Variants in MATN1 observed in about 807,000 individuals in gnomAD.
MATN1 encodes matrilin-1.
Under a neutral mutation model 41.3 loss-of-function variants are expected in MATN1, and 34 were observed. The ratio of observed to expected loss-of-function variants is 0.82; its 90% CI spans 0.63 to 1.10. MATN1 has a LOEUF of 1.10. Among genes scored for constraint, MATN1 ranks in the 50% least tolerant of loss-of-function variants. The pLI is 0.00. For synonymous variants in MATN1, 264 were observed against 278.7 expected (o/e 0.95, Z 0.53); for missense variants, 602 against 662.4 (o/e 0.91, Z 1.00).
chr1:30,719,138 T>C, intron 2 of MATN1, 181 bp from the exon 3 acceptor site: 1 of 523,300 alleles, frequency 1.9e-6, no homozygotes, highest in Non-Finnish European at 3.3e-6. Flanking sequence ...GAGACGTGGC[T>C]GGGGGGCTTT....
rs1427815477 is a variant in MATN1 at position 30,714,226 on chromosome 1, G to A, written c.1441+21C>T. ...TGGCCTGCGCCCCTCCCCAGCCCCA[G>A]CCCCCTCTGGGAAGGGATATGTTTC... On this transcript the variant is annotated intron_variant, in intron 7 of 7. Coordinates refer to ENST00000373765, the MANE Select transcript of MATN1 (RefSeq NM_002379.3). 5 of 1,481,404 alleles carry A rather than the reference G, an allele frequency of 3.4e-6. No homozygotes were observed. The Admixed American group carries it at 9.2e-5, about 27-fold the overall frequency. 91.8% of individuals were successfully genotyped at this position (1,481,404 alleles called of 1,614,324 possible).
rs1476619777 is a variant in MATN1, at chr1:30,713,009, A to G, written c.*573T>C. On this transcript the variant is annotated 3_prime_UTR_variant, in exon 8 of 8. Coordinates refer to ENST00000373765, the MANE Select transcript of MATN1 (RefSeq NM_002379.3). ...ATGAATATGTAACTGAAAAGGCAGGACAAACACCAGCTGGTTTTGGTGTGG... is the reference window on the plus strand; with the variant it reads ...ATGAATATGTAACTGAAAAGGCAGGGCAAACACCAGCTGGTTTTGGTGTGG... The G allele has an allele frequency of 6.5e-6, 1 of 153,306 alleles. No individual in the cohort carries two copies. The highest frequency in any genetic ancestry group is 1.5e-5 in the Non-Finnish European group (1 of 68,572). 9.5% of individuals were successfully genotyped at this position (153,306 alleles called of 1,614,324 possible).
intron 2 of MATN1, 186 bp from the exon 3 acceptor site, chr1:30,719,143 G>C (rs553867207): frequency 3.4e-5 from 18 of 522,304 alleles, no homozygotes; most frequent in Middle Eastern, 2.7e-4. Flanking sequence ...GTGGCTGGGG[G>C]GCTTTCCATC....
rs747282696 is a variant in MATN1, at chr1:30,721,467, C to T, written c.379G>A (p.Ala127Thr). Residue 127 changes from alanine (A) to threonine (T), a missense_variant, in exon 2 of 8, where the codon GCT (alanine) becomes ACT (threonine). Ala to Thr is a moderately conservative substitution (Grantham distance 58). Coordinates refer to ENST00000373765, the MANE Select transcript of MATN1 (RefSeq NM_002379.3). ...GTMTGLAIQF[A>T]ITKAFGDAEG... The stretch of plus-strand genomic sequence containing the variant: ...GCATCGCCGAAGGCTTTGGTGATAG[C>T]GAACTGGATGGCCAGGCCGGTCATG... 1.1e-5 allele frequency: 17 copies of T among 1,613,518 alleles called. No individual in the cohort carries two copies. Among genetic ancestry groups the T allele is most frequent in the Non-Finnish European group, 1.4e-5 (16 of 1,179,992 alleles).
intron 3 of MATN1, among the ~76,000 whole-genome samples, chr1:30,718,173 C>T (rs1274935888): frequency 1.3e-5 from 2 of 152,114 alleles, no homozygotes; most frequent in Non-Finnish European, 2.9e-5. Context: ...TTATAGGCTA[C>T]CGCCCCAGCC....
Position 30,716,308 on chromosome 1 carries a change from C to T in MATN1, c.808G>A (p.Gly270Ser), listed in dbSNP as rs1444786427. 5 of 1,613,364 alleles carry T rather than the reference C, an allele frequency of 3.1e-6. No homozygotes were observed. The South Asian group carries it at 5.5e-5, about 18-fold the overall frequency. Reference sequence around the variant, plus strand: ...AAGACCAGGTCAGTGGCCGAGCTGCCACCACCACCACTGCAGACTGTGGAG... The same window carrying T: ...AAGACCAGGTCAGTGGCCGAGCTGCTACCACCACCACTGCAGACTGTGGAG... ...KTCNVCSGGG[G>S]SSATDLVFLI... The change falls in exon 5 of 8, where the codon GGC (glycine) becomes AGC (serine). Residue 270 changes from glycine to serine, a missense_variant. Gly to Ser is a moderately conservative substitution (Grantham distance 56). Transcript: ENST00000373765.
At position 30,722,217 on chromosome 1, in the gene MATN1, G is replaced by A. The variant is rs1030262534; in HGVS notation, c.95-466C>T. On this transcript the variant is annotated intron_variant, in intron 1 of 7. Transcript: ENST00000373765. ...CTGGGCAGGAGGGCACCAAGGATGG[G>A]CCCTCCAGGCATGGGCACAGGCTTG... 5.9e-5 allele frequency among the ~76,000 whole-genome samples: 9 copies of A among 152,284 alleles called. No individual in the cohort carries two copies. The South Asian group carries it at 1.0e-3, about 17-fold the overall frequency.
chr1:30,721,669 T>G lies in MATN1; in HGVS notation c.177A>C (p.Lys59Asn), dbSNP rs150046507. Residue 59 changes from lysine to asparagine, a missense_variant, in exon 2 of 8, where the codon AAA (lysine) becomes AAC (asparagine). Transcript: ENST00000373765. The part of the protein sequence containing the change: ...SRSVRPVEFE[K>N]VKVFLSQVIE... The stretch of plus-strand genomic sequence containing the variant: ...TGACCTGGGACAGGAATACCTTCAC[T>G]TTCTCAAATTCAACAGGCCGAACGC... The G allele has an allele frequency of 8.5e-4, 1,375 of 1,613,308 alleles. No individual in the cohort carries two copies. The highest frequency in any genetic ancestry group is 1.1e-3 in the Non-Finnish European group (1,315 of 1,180,030).
chr1:30,723,355 T>A, intron 1 of MATN1, 103 bp downstream of exon 1: 1 of 865,000 alleles, frequency 1.2e-6, no homozygotes, highest in Non-Finnish European at 1.7e-6. Flanking sequence ...CCCTTCCCCA[T>A]CCTGGATCCC....
At position 30,715,216 on chromosome 1, in the gene MATN1, G is replaced by A. The variant is rs542638247; in HGVS notation, c.1301C>T (p.Thr434Met). ...CTGGTTGATGGTCTTGAAGTCAGCCGTGTAGAAGTAGTGCTCTGCCACAGG... is the reference window on the plus strand; with the variant it reads ...CTGGTTGATGGTCTTGAAGTCAGCCATGTAGAAGTAGTGCTCTGCCACAGG... ...SEPVAEHYFY[T>M]ADFKTINQIG... Residue 434 changes from threonine to methionine, a missense_variant, in exon 6 of 8, where the codon ACG (threonine) becomes ATG (methionine). By Grantham distance (81) the Thr-to-Met change is moderately conservative. Transcript: ENST00000373765. The A allele has an allele frequency of 2.2e-5, 36 of 1,614,194 alleles. No individual in the cohort carries two copies. The highest frequency in any genetic ancestry group is 1.6e-4 in the East Asian group (7 of 44,886).
rs141354318 is a variant in MATN1, at chr1:30,716,146, G to A, written c.970C>T (p.Arg324Cys). The part of the protein sequence containing the change: ...VGLVQYSSSV[R>C]QEFPLGRFHT... ...AAGCGACCCAGGGGGAACTCCTGGC[G>A]CACAGAGCTTGAGTACTGCACCAGC... Residue 324 changes from arginine (R) to cysteine (C), a missense_variant, in exon 5 of 8, where the codon CGC becomes TGC. Coordinates refer to ENST00000373765, the MANE Select transcript of MATN1 (RefSeq NM_002379.3). The A allele has an allele frequency of 1.5e-5, 25 of 1,614,070 alleles. No homozygotes were observed. Among genetic ancestry groups the A allele is most frequent in the African/African-American group, 5.3e-5 (4 of 74,914 alleles).
Position 30,713,522 on chromosome 1 carries a change from G to A in MATN1, c.*60C>T. 5 of 1,533,386 alleles carry A rather than the reference G, an allele frequency of 3.3e-6. No individual in the cohort carries two copies. The highest frequency in any genetic ancestry group is 4.4e-6 in the Non-Finnish European group (5 of 1,130,442). The allele number at this position is 1,533,386 out of a possible 1,614,324, so 95.0% of individuals were successfully genotyped here. ...CGGGCTGGCTTCCCTCACTAAAATGGTAAAGCTACGGCGGACACGTGCAGG... is the reference window on the plus strand; with the variant it reads ...CGGGCTGGCTTCCCTCACTAAAATGATAAAGCTACGGCGGACACGTGCAGG... On this transcript the variant is annotated 3_prime_UTR_variant, in exon 8 of 8. Coordinates refer to ENST00000373765, the MANE Select transcript of MATN1 (RefSeq NM_002379.3).
chr1:30,715,952 G>C lies in MATN1; in HGVS notation c.1164C>G (p.Ser388Arg). 1 of 1,614,162 alleles carries C rather than the reference G, an allele frequency of 6.2e-7. No individual in the cohort carries two copies. The highest frequency in any genetic ancestry group is 8.5e-7 in the Non-Finnish European group (1 of 1,180,026). The change falls in exon 5 of 8, where the codon AGC becomes AGG. Residue 388 changes from serine (S) to arginine (R), a missense_variant. Transcript: ENST00000373765. ...TGGCAGCATCATTAATGTAGTCCTG[G>C]CTCCGGCCATCAGTGAAGACAATGC... ...KVGIVFTDGRSQDYINDAAKK... is the reference protein window; with the variant it reads ...KVGIVFTDGRRQDYINDAAKK...
In MATN1 at chr1:30,721,497, CT is replaced by C. The variant is rs777805757; in HGVS notation, c.348del (p.Gly117AlafsTer3). 5 of 1,613,514 alleles carry C rather than the reference CT, an allele frequency of 3.1e-6. No individual in the cohort carries two copies. In the South Asian group the frequency reaches 5.5e-5, roughly 18 times the overall value. On this transcript the variant is annotated frameshift_variant, in exon 2 of 8. Coordinates refer to ENST00000373765, the MANE Select transcript of MATN1 (RefSeq NM_002379.3). LOFTEE classifies it high-confidence loss of function. ...QAVRRIQPLS[T>X]GTMTGLAIQF... ...TGGATGGCCAGGCCGGTCATGGTGC[CT>C]GTGGACAGCGGCTGGATACGGCGCA...
chr1:30,714,163 T>G, intron 7 of MATN1, 84 bp downstream of exon 7: 2 of 1,154,362 alleles, frequency 1.7e-6, no homozygotes, highest in Non-Finnish European at 2.5e-6. Flanking sequence ...CCTGCCCAAC[T>G]GACCACACTT....
At chr1:30,715,066 T>G (rs1415915333) in intron 6 of MATN1, 91 bp downstream of exon 6, 2 of 1,511,602 alleles carry the variant, frequency 1.3e-6, no homozygotes, top group African/African-American at 2.8e-5. Context: ...CGGCCCCTGC[T>G]TTTCCCCACC....
In MATN1 at chr1:30,716,125, G is replaced by A. The variant is rs772610775; in HGVS notation, c.991C>T (p.Arg331Cys). Residue 331 changes from arginine (R) to cysteine (C), a missense_variant, in exon 5 of 8, where the codon CGC becomes TGC. Physicochemically the swap from Arg to Cys is radical, Grantham distance 180. Coordinates refer to ENST00000373765, the MANE Select transcript of MATN1 (RefSeq NM_002379.3). ...SSVRQEFPLG[R>C]FHTKKDIKAA... ...TTGATGTCCTTCTTGGTGTGGAAGC[G>A]ACCCAGGGGGAACTCCTGGCGCACA... The A allele has an allele frequency of 1.1e-5, 18 of 1,614,060 alleles. No homozygotes were observed. The highest frequency in any genetic ancestry group is 3.3e-5 in the South Asian group (3 of 91,088).
At chr1:30,713,725 G>A (rs1639582588) in intron 7 of MATN1, 94 bp from the exon 8 acceptor site, 4 of 921,006 alleles carry the variant, frequency 4.3e-6, no homozygotes, top group Non-Finnish European at 7.0e-6. Flanking sequence ...CCCCACTACA[G>A]CGTGCATTCT....
At chr1:30,714,374 C>T (rs749311061) in intron 6 of MATN1, 47 bp from the exon 7 acceptor site, 7 of 1,501,090 alleles carry the variant, frequency 4.7e-6, no homozygotes, top group Non-Finnish European at 6.4e-6. Flanking sequence ...TGTTGAGTGG[C>T]TGCCCAGGAG....
Sources: allele counts gnomAD v4.1 joint callset (sites outside exome capture counted in the v4.1 genomes callset), GRCh38; gene constraint gnomAD v4.1.1; transcripts MANE v1.5; gene names NCBI Gene and HGNC (gene_info 2026-07-23, HGNC 2026-07-21).